Variants in PTPRT observed in about 807,000 individuals in gnomAD.
PTPRT encodes the protein protein tyrosine phosphatase receptor type T.
Under a neutral mutation model 176.8 loss-of-function variants are expected in PTPRT, and 56 were observed. The observed-to-expected ratio is 0.32, with a 90% CI of 0.26 to 0.40. The LOEUF (loss-of-function observed/expected upper bound fraction) is 0.40. Ranked by LOEUF, PTPRT falls within the 10% of genes least tolerant of loss-of-function variation. The pLI, the probability that PTPRT is intolerant of heterozygous loss-of-function variation, is 1.00. For synonymous variants in PTPRT, 783 were observed against 739.0 expected, an observed-to-expected ratio of 1.06 and a Z score of -0.96; for missense variants, 1,540 against 1,908.2, an observed-to-expected ratio of 0.81 and a Z score of 3.60.
At chr20:43,167,067 C>A (rs1348078628) in intron 1 of PTPRT, among the ~76,000 whole-genome samples, 4 of 152,250 alleles carry the variant, frequency 2.6e-5, no homozygotes, top group East Asian at 3.9e-4. Context: ...GCTAACCATG[C>A]CCCAGCAGAG....
rs755743177 is a variant in PTPRT, at chr20:42,085,785, G to T, written c.3915C>A (p.Ser1305=). 1 of 1,613,964 alleles carries T rather than the reference G, an allele frequency of 6.2e-7. No individual in the cohort carries two copies. The highest frequency in any genetic ancestry group is 1.7e-5 in the Admixed American group (1 of 60,014). ...CYGPIQVEFV[S]ADIDEDIIHR... ...GGATGATGTCCTCGTCGATGTCTGCGGAGACGAACTCCACCTGGATGGGCC... is the reference window on the plus strand; with the variant it reads ...GGATGATGTCCTCGTCGATGTCTGCTGAGACGAACTCCACCTGGATGGGCC... The change falls in exon 28 of 31, where the codon TCC becomes TCA. Residue 1305 remains serine, a synonymous_variant. Transcript: ENST00000373187.
At chr20:42,083,473 G>C (rs1983563476) in intron 29 of PTPRT, among the ~76,000 whole-genome samples, 1 of 152,202 alleles carries the variant, frequency 6.6e-6, no homozygotes, top group Non-Finnish European at 1.5e-5. Context: ...CTGAACTCTA[G>C]CCTGAGGTTT....
chr20:42,954,852 G>T (rs528437971), intron 1 of PTPRT, among the ~76,000 whole-genome samples: 1 of 152,082 alleles, frequency 6.6e-6, no homozygotes, highest in East Asian at 1.9e-4. Flanking sequence ...ACAATAGTAG[G>T]AGAAGACGAT....
Position 42,735,811 on chromosome 20 carries a change from C to T in PTPRT, c.859+20651G>A, listed in dbSNP as rs1040696074. 3.3e-5 allele frequency among the ~76,000 whole-genome samples: 5 copies of T among 152,034 alleles called. No individual in the cohort carries two copies. In the East Asian group the frequency reaches 7.7e-4, roughly 24 times the overall value. On this transcript the variant is annotated intron_variant, in intron 6 of 30. Coordinates refer to ENST00000373187, the MANE Select transcript of PTPRT (RefSeq NM_007050.6). ...GTCGCCCATACCCTAGCATTTGCTC[C>T]GTTGTGTGCCTGACTCTGTGCTAAC...
rs180842197 is a variant in PTPRT, at chr20:42,927,995, G to A, written c.89-42063C>T. ...CCCACCTCCAAGTCACATGCTATTG[G>A]CTGCTAAGCAGCACCGTGTAGCACA... On this transcript the variant is annotated intron_variant, in intron 1 of 30. Transcript: ENST00000373187. Among the ~76,000 whole-genome samples, 37 of 152,292 alleles carry A rather than the reference G, an allele frequency of 2.4e-4. No homozygotes were observed. In the East Asian group the frequency reaches 5.0e-3, roughly 21 times the overall value.
At chr20:42,251,649 A>G (rs556666922) in intron 13 of PTPRT, among the ~76,000 whole-genome samples, 1 of 151,882 alleles carries the variant, frequency 6.6e-6, no homozygotes, top group African/African-American at 2.4e-5. Context: ...CAAAGGGACC[A>G]TGAAAGCAGC....
intron 1 of PTPRT, among the ~76,000 whole-genome samples, chr20:43,118,758 C>T (rs867974205): frequency 2.0e-5 from 3 of 152,106 alleles, no homozygotes; most frequent in Non-Finnish European, 2.9e-5. Flanking sequence ...ATTTTATAAA[C>T]GAAGATACTA....
At position 42,837,223 on chromosome 20, in the gene PTPRT, C is replaced by T. The variant is rs1264482843; in HGVS notation, c.215-45757G>A. 2.6e-5 allele frequency among the ~76,000 whole-genome samples: 4 copies of T among 152,334 alleles called. No individual in the cohort carries two copies. The East Asian group carries it at 5.8e-4, about 22-fold the overall frequency. On this transcript the variant is annotated intron_variant, in intron 2 of 30. Coordinates refer to ENST00000373187, the MANE Select transcript of PTPRT (RefSeq NM_007050.6). ...CAGCAGCCACTGGAGCCCACAGAGGCCCATCCGGAGGACCCTTGGATCCCC... is the reference window on the plus strand; with the variant it reads ...CAGCAGCCACTGGAGCCCACAGAGGTCCATCCGGAGGACCCTTGGATCCCC...
chr20:42,811,509 C>A (rs1297776313), intron 2 of PTPRT, among the ~76,000 whole-genome samples: 2 of 152,142 alleles, frequency 1.3e-5, no homozygotes, highest in East Asian at 1.9e-4. Flanking sequence ...ACCCAAAGAT[C>A]TCTTTAAGAA....
intron 11 of PTPRT, among the ~76,000 whole-genome samples, chr20:42,333,097 G>A (rs2057991287): frequency 1.3e-5 from 2 of 152,074 alleles, no homozygotes; most frequent in African/African-American, 4.8e-5. Flanking sequence ...GATCTTAAAT[G>A]GCTATTAAAA....
At chr20:42,868,213 G>C (rs1171698501) in intron 2 of PTPRT, among the ~76,000 whole-genome samples, 2 of 152,186 alleles carry the variant, frequency 1.3e-5, no homozygotes, top group Non-Finnish European at 2.9e-5. Flanking sequence ...AAGAAAGCTG[G>C]AGAGAAAGGC....
At chr20:43,182,843 C>A (rs1489505256) in intron 1 of PTPRT, among the ~76,000 whole-genome samples, 10 of 128,542 alleles carry the variant, frequency 7.8e-5, no homozygotes, top group Admixed American at 6.0e-4. Flanking sequence ...GCAAAAAAAA[C>A]AAAACAAAAC....
At chr20:42,592,314 G>A (rs569850837) in intron 7 of PTPRT, among the ~76,000 whole-genome samples, 35 of 152,236 alleles carry the variant, frequency 2.3e-4, no homozygotes, top group Non-Finnish European at 4.4e-4. Context: ...TAGGCCAGGC[G>A]CCGACTGGAT....
intron 1 of PTPRT, among the ~76,000 whole-genome samples, chr20:43,123,691 T>A (rs73106008): frequency 0.032 from 4,898 of 152,270 alleles, 100 homozygotes; most frequent in South Asian, 0.082. Context: ...TCAATTTTTA[T>A]CTTGTTTAAA....
At position 42,875,239 on chromosome 20, in the gene PTPRT, C is replaced by T. The variant is rs562120494; in HGVS notation, c.214+10568G>A. Among the ~76,000 whole-genome samples, 3 of 152,310 alleles carry T rather than the reference C, an allele frequency of 2.0e-5. No individual in the cohort carries two copies. In the East Asian group the frequency reaches 5.8e-4, roughly 29 times the overall value. On this transcript the variant is annotated intron_variant, in intron 2 of 30. Coordinates refer to ENST00000373187, the MANE Select transcript of PTPRT (RefSeq NM_007050.6). ...TGATCACCAAAAGGACATCATGTTG[C>T]TTTTCAAAGCCATTGTTAGGACATT...
intron 7 of PTPRT, among the ~76,000 whole-genome samples, chr20:42,522,739 G>A (rs2072198926): frequency 6.6e-6 from 1 of 152,128 alleles, no homozygotes; most frequent in African/African-American, 2.4e-5. Context: ...GGTATTACAG[G>A]TATGAGCCAC....
chr20:42,685,011 C>T (rs113038670), intron 6 of PTPRT, among the ~76,000 whole-genome samples: 1 of 152,088 alleles, frequency 6.6e-6, no homozygotes, highest in Non-Finnish European at 1.5e-5. Context: ...GATACCCATC[C>T]AAAGTCAAAC....
chr20:43,146,936 G>T (rs1258365394), intron 1 of PTPRT, among the ~76,000 whole-genome samples: 1 of 152,110 alleles, frequency 6.6e-6, no homozygotes, highest in Non-Finnish European at 1.5e-5. Context: ...GAGCATCTCT[G>T]GCCAGCAGCC....
At chr20:42,115,858 T>G (rs1197169143) in intron 21 of PTPRT, among the ~76,000 whole-genome samples, 1 of 152,080 alleles carries the variant, frequency 6.6e-6, no homozygotes, top group Non-Finnish European at 1.5e-5. Context: ...GTTGGGGGTC[T>G]GGAAGGAGAA....
Sources: gnomAD v4.1 joint callset for allele counts (sites outside exome capture counted in the v4.1 genomes callset) on GRCh38, gnomAD v4.1.1 for gene constraint, MANE v1.5 for transcripts, NCBI Gene and HGNC (gene_info 2026-07-23, HGNC 2026-07-21) for gene names.